The following CENPF variants were observed in gnomAD, a reference collection of about 807,000 sequenced individuals.
CENPF encodes centromere protein F.
Under a neutral mutation model 307.3 loss-of-function variants are expected in CENPF, and 214 were observed. The ratio of observed to expected loss-of-function variants is 0.70; its 90% CI spans 0.62 to 0.78. The LOEUF is 0.78. Among genes scored for constraint, CENPF ranks in the 30% least tolerant of loss-of-function variants. The pLI is 0.00. For missense variants in CENPF, 3,401 were observed against 3,483.9 expected (o/e 0.98, Z 0.60); for synonymous variants, 1,259 against 1,270.6 (o/e 0.99, Z 0.19).
chr1:214,604,789 G>C (rs1322390543), intron 1 of CENPF, among the ~76,000 whole-genome samples: 1 of 152,024 alleles, frequency 6.6e-6, no homozygotes, highest in Non-Finnish European at 1.5e-5. Context: ...CCTTTCAGTA[G>C]TTTTGGGATA....
chr1:214,644,660 A>T lies in CENPF; in HGVS notation c.5090A>T (p.Asp1697Val). 4.3e-6 allele frequency: 7 copies of T among 1,614,110 alleles called. No homozygotes were observed. The highest frequency in any genetic ancestry group is 5.9e-6 in the Non-Finnish European group (7 of 1,179,988). Residue 1697 changes from aspartate to valine, a missense_variant, in exon 13 of 20, where the codon GAT becomes GTT. Physicochemically the swap from Asp to Val is radical, Grantham distance 152. Transcript: ENST00000366955. ...GATGTTCATCAGATTTGTGATAAAG[A>T]TGCTCAGCAGGACCTCAATCTAGAC... ...KHDVHQICDKDAQQDLNLDIE... is the reference protein window; with the variant it reads ...KHDVHQICDKVAQQDLNLDIE...
chr1:214,608,176 C>T, intron 1 of CENPF: 3 of 917,212 alleles, frequency 3.3e-6, no homozygotes, highest in Non-Finnish European at 4.9e-6. Context: ...CTGTCCGGCT[C>T]TCTGGCCCTG....
intron 12 of CENPF, 61 bp downstream of exon 12, chr1:214,643,385 A>G: frequency 7.7e-7 from 1 of 1,298,618 alleles, no homozygotes; most frequent in Non-Finnish European, 1.0e-6. Flanking sequence ...CACTCAGTAA[A>G]TGTTTGTCTA....
At chr1:214,649,856 T>C (rs957487384) in intron 14 of CENPF, among the ~76,000 whole-genome samples, 1 of 152,224 alleles carries the variant, frequency 6.6e-6, no homozygotes, top group Non-Finnish European at 1.5e-5. Context: ...TATGAGTGTG[T>C]TAGTTTGCAT....
rs1571717164 is a variant in CENPF, at chr1:214,643,084, A to G, written c.4746A>G (p.Gln1582=). 6.2e-7 allele frequency: 1 copy of G among 1,609,996 alleles called. No individual in the cohort carries two copies. Among genetic ancestry groups the G allele is most frequent in the Non-Finnish European group, 8.5e-7 (1 of 1,178,986 alleles). Residue 1582 remains glutamine, a synonymous_variant, in exon 12 of 20, where the codon CAA becomes CAG. Coordinates refer to ENST00000366955, the MANE Select transcript of CENPF (RefSeq NM_016343.4). ...SQGIMKNKEI[Q]ELEQLLSSER... Reference sequence around the variant, plus strand: ...GGATTATGAAAAATAAGGAAATTCAAGAGCTCGAGCAGTTATTAAGTTCTG... The same window carrying G: ...GGATTATGAAAAATAAGGAAATTCAGGAGCTCGAGCAGTTATTAAGTTCTG...
intron 16 of CENPF, chr1:214,653,209 C>A: frequency 2.0e-6 from 1 of 495,134 alleles, no homozygotes. Context: ...CCTCATGCAT[C>A]CTCTCAAACT....
rs1337674452 is a variant in CENPF, at chr1:214,659,184, C to T, written c.9141+156C>T. Among the ~76,000 whole-genome samples, 1 of 152,002 alleles carries T rather than the reference C, an allele frequency of 6.6e-6. No homozygotes were observed. Among genetic ancestry groups the T allele is most frequent in the African/African-American group, 2.4e-5 (1 of 41,376 alleles). On this transcript the variant is annotated intron_variant, in intron 19 of 19. Transcript: ENST00000366955. The surrounding 1 kb of genome is among the most constrained non-coding windows in gnomAD (Gnocchi z 4.4). Reference sequence around the variant, plus strand: ...AGTCAGTCAGTAGTGAGCAAGTGACCGGGTGAGCATTACAGTATCAGGGTA... The same window carrying T: ...AGTCAGTCAGTAGTGAGCAAGTGACTGGGTGAGCATTACAGTATCAGGGTA...
In CENPF at chr1:214,646,911, A is replaced by T. The variant is rs1471562955; in HGVS notation, c.7341A>T (p.Leu2447Phe). 1.2e-6 allele frequency: 2 copies of T among 1,614,002 alleles called. No homozygotes were observed. Among genetic ancestry groups the T allele is most frequent in the Non-Finnish European group, 1.7e-6 (2 of 1,180,002 alleles). ...STAMEMLQTQ[L>F]KELNERVAAL... ...CCATGGAGATGCTTCAAACACAATT[A>T]AAAGAGCTCAATGAGAGAGTGGCAG... Residue 2447 changes from leucine (L) to phenylalanine (F), a missense_variant, in exon 13 of 20, where the codon TTA (leucine) becomes TTT (phenylalanine). Physicochemically the swap from Leu to Phe is conservative, Grantham distance 22. Coordinates refer to ENST00000366955, the MANE Select transcript of CENPF (RefSeq NM_016343.4).
chr1:214,621,035 T>C, intron 6 of CENPF, 89 bp downstream of exon 6: 1 of 1,308,062 alleles, frequency 7.6e-7, no homozygotes, highest in South Asian at 1.4e-5. Context: ...ATAAAGTGCT[T>C]ATGTGTTTTG....
At chr1:214,629,221 C>T in intron 8 of CENPF, 50 bp downstream of exon 8, 1 of 1,489,506 alleles carries the variant, frequency 6.7e-7, no homozygotes, top group Non-Finnish European at 8.9e-7. Flanking sequence ...TTTTTATGGG[C>T]TTTTCATAGT....
intron 1 of CENPF, 95 bp from the exon 2 acceptor site, chr1:214,613,619 C>T: frequency 1.1e-6 from 1 of 876,150 alleles, no homozygotes; most frequent in Middle Eastern, 3.7e-4. Flanking sequence ...GGTCTTGAAA[C>T]TTGATTTTTA....
intron 16 of CENPF, chr1:214,653,212 C>G (rs965947571): frequency 2.1e-6 from 1 of 479,776 alleles, no homozygotes; most frequent in East Asian, 4.0e-5. Context: ...CATGCATCCT[C>G]TCAAACTAGA....
chr1:214,620,619 T>A (rs777220564), intron 5 of CENPF, 36 bp from the exon 6 acceptor site: 2 of 1,561,264 alleles, frequency 1.3e-6, no homozygotes, highest in Non-Finnish European at 1.7e-6. Flanking sequence ...GTATATAAGA[T>A]CTTTAAAGGC....
intron 10 of CENPF, among the ~76,000 whole-genome samples, chr1:214,633,908 G>A (rs188107830): frequency 8.8e-4 from 134 of 152,326 alleles, no homozygotes; most frequent in African/African-American, 3.1e-3. Flanking sequence ...CCCTCTGTGA[G>A]CTTCCCTTTC....
intron 17 of CENPF, among the ~76,000 whole-genome samples, chr1:214,656,676 A>T (rs1658640292): frequency 6.6e-6 from 1 of 152,220 alleles, no homozygotes. Flanking sequence ...GTTGGCTGAA[A>T]TATGAGTTTG....
At chr1:214,620,504 T>A in intron 5 of CENPF, 151 bp from the exon 6 acceptor site, 1 of 793,356 alleles carries the variant, frequency 1.3e-6, no homozygotes, top group Non-Finnish European at 2.1e-6. Context: ...GGTATTAGAC[T>A]TATGGTTTAC....
intron 19 of CENPF, among the ~76,000 whole-genome samples, chr1:214,661,913 G>A (rs77773075): frequency 0.013 from 2,003 of 151,832 alleles, 28 homozygotes; most frequent in Non-Finnish European, 0.018. Context: ...CTAGGAGGAT[G>A]TACTATCTTA....
intron 7 of CENPF, among the ~76,000 whole-genome samples, chr1:214,624,588 T>G (rs75494852): frequency 0.068 from 10,349 of 152,270 alleles, 402 homozygotes; most frequent in South Asian, 0.14. Flanking sequence ...TGTAGTGATA[T>G]TCCTTGTTCA....
At chr1:214,620,486 C>T (rs1265396627) in intron 5 of CENPF, among the ~76,000 whole-genome samples, 169 bp from the exon 6 acceptor site, 1 of 152,148 alleles carries the variant, frequency 6.6e-6, no homozygotes, top group African/African-American at 2.4e-5. Context: ...TAGAACATTC[C>T]ATCACTGGGT....
Sources: gnomAD v4.1 joint callset for allele counts (sites outside exome capture counted in the v4.1 genomes callset) on GRCh38, gnomAD v4.1.1 for gene constraint, Gnocchi (gnomAD v3.1) non-coding constraint, MANE v1.5 for transcripts, NCBI Gene and HGNC (gene_info 2026-07-23, HGNC 2026-07-21) for gene names.